Variants in SLC12A7 observed in about 807,000 individuals in gnomAD.
SLC12A7 encodes the protein solute carrier family 12 member 7, also known as K-Cl cotransporter 4.
A neutral mutation model predicts 120.6 loss-of-function variants in SLC12A7; 100 were observed. The ratio of observed to expected loss-of-function variants is 0.83; its 90% CI spans 0.71 to 0.98. SLC12A7 has a LOEUF of 0.98. Among genes scored for constraint, SLC12A7 ranks in the 50% least tolerant of loss-of-function variants. The pLI, the probability that SLC12A7 is intolerant of heterozygous loss-of-function variation, is 0.00. For synonymous variants in SLC12A7, 760 were observed against 678.0 expected (o/e 1.12, Z -1.88); for missense variants, 1,373 against 1,548.1 (o/e 0.89, Z 1.90).
At chr5:1,063,176 GTC>G (rs1426570324) in intron 20 of SLC12A7, among the ~76,000 whole-genome samples, 2 of 152,182 alleles carry the variant, frequency 1.3e-5, no homozygotes, top group African/African-American at 2.4e-5. Flanking sequence ...GACGGGACGA[GTC>G]TCTGTCCAGG....
intron 1 of SLC12A7, among the ~76,000 whole-genome samples, chr5:1,105,789 C>G (rs1052787476): frequency 2.6e-5 from 4 of 152,180 alleles, no homozygotes; most frequent in Admixed American, 1.3e-4. Flanking sequence ...ACCAGGAGGG[C>G]CCCCAGCCAG....
At chr5:1,092,460 C>T (rs558463454) in intron 3 of SLC12A7, among the ~76,000 whole-genome samples, 8 of 152,352 alleles carry the variant, frequency 5.3e-5, no homozygotes, top group Middle Eastern at 3.4e-3. Flanking sequence ...TTCCTGCTCA[C>T]TGGCCTCTAC....
rs527500760 is a variant in SLC12A7 at position 1,079,688 on chromosome 5, G to A, written c.1298-192C>T. Among the ~76,000 whole-genome samples, 194 of 152,280 alleles carry A rather than the reference G, an allele frequency of 1.3e-3. 1 individual carries two copies. The highest frequency in any genetic ancestry group is 4.4e-3 in the African/African-American group (182 of 41,546). On this transcript the variant is annotated intron_variant, in intron 9 of 23. Coordinates refer to ENST00000264930, the MANE Select transcript of SLC12A7 (RefSeq NM_006598.3). ...TGAGGGGATGCGGGCCCAGGCACGC[G>A]GATGAGCACCCACGTCTACTGCTCC...
At chr5:1,109,478 G>A (rs929027384) in intron 1 of SLC12A7, among the ~76,000 whole-genome samples, 3 of 152,210 alleles carry the variant, frequency 2.0e-5, no homozygotes, top group South Asian at 2.1e-4. Flanking sequence ...TAAAAGCTCC[G>A]TCCCAAGAAG....
chr5:1,052,163 G>T lies in SLC12A7; in HGVS notation c.*197C>A. On this transcript the variant is annotated 3_prime_UTR_variant, in exon 24 of 24. Coordinates refer to ENST00000264930, the MANE Select transcript of SLC12A7 (RefSeq NM_006598.3). Reference sequence around the variant, plus strand: ...AAATCGTCCAGCCACGCCCTGATTTGCTGAGCCTGTTAAGGCTGAACAGGA... The same window carrying T: ...AAATCGTCCAGCCACGCCCTGATTTTCTGAGCCTGTTAAGGCTGAACAGGA... 1.7e-6 allele frequency: 1 copy of T among 594,212 alleles called. No individual in the cohort carries two copies. 36.8% of individuals were successfully genotyped at this position (594,212 alleles called of 1,614,324 possible). A position where few individuals can be genotyped will look rare whatever the true frequency, so the allele number is the denominator to read the frequency against.
chr5:1,118,980 A>C, the SLC12A7 span, among the ~76,000 whole-genome samples: 1 of 152,084 alleles, frequency 6.6e-6, no homozygotes, highest in Non-Finnish European at 1.5e-5. Flanking sequence ...ACCTCCCCAG[A>C]GGAATGTTCT....
upstream of SLC12A7, among the ~76,000 whole-genome samples, chr5:1,114,907 G>C (rs948536132): frequency 6.6e-6 from 1 of 152,244 alleles, no homozygotes; most frequent in African/African-American, 2.4e-5. Context: ...ACTGGAGGGA[G>C]AGGCTCATCT....
At chr5:1,116,966 G>A (rs139364546), upstream of SLC12A7, among the ~76,000 whole-genome samples, 2,246 of 152,284 alleles carry the variant, frequency 0.015, 65 homozygotes, top group African/African-American at 0.05. Flanking sequence ...CCCAGGACAC[G>A]ATGTGGCCAA....
chr5:1,080,986 A>G (rs1738998180), intron 9 of SLC12A7, among the ~76,000 whole-genome samples: 1 of 127,446 alleles, frequency 7.8e-6, no homozygotes, highest in Non-Finnish European at 1.9e-5. Context: ...AACACACTAC[A>G]GAGAGAGAGA....
chr5:1,053,246 G>A, intron 23 of SLC12A7, 103 bp downstream of exon 23: 1 of 1,396,696 alleles, frequency 7.2e-7, no homozygotes, highest in Non-Finnish European at 9.6e-7. Flanking sequence ...TGAAGGAGAG[G>A]CGGGAAGCCA....
chr5:1,080,228 GCGCGGAGACACCAGGAGCCACGCAGAGGC>G (rs1561068499), intron 9 of SLC12A7, among the ~76,000 whole-genome samples: 13 of 9,934 alleles, frequency 1.3e-3, no homozygotes, highest in African/African-American at 1.6e-3. Flanking sequence ...TCCACCCGCG[GCGCGGAGACACCAGGAGCCACGCAGAGGC>G]TCTGCCCCCA....
intron 22 of SLC12A7, among the ~76,000 whole-genome samples, chr5:1,055,137 C>A (rs1331306520): frequency 6.6e-6 from 1 of 152,096 alleles, no homozygotes; most frequent in Non-Finnish European, 1.5e-5. Flanking sequence ...TGTGTATACG[C>A]ACACACACAT....
chr5:1,097,228 G>C (rs1427072425), intron 1 of SLC12A7, among the ~76,000 whole-genome samples: 1 of 152,180 alleles, frequency 6.6e-6, no homozygotes, highest in Admixed American at 6.5e-5. Context: ...AACTGTACAA[G>C]TAGGAAAAAC....
chr5:1,054,700 G>C (rs1735424414), intron 22 of SLC12A7, among the ~76,000 whole-genome samples: 1 of 152,238 alleles, frequency 6.6e-6, no homozygotes, highest in African/African-American at 2.4e-5. Context: ...GGGTCATGGA[G>C]AGGCCCCACG....
chr5:1,109,860 G>A (rs746763596), intron 1 of SLC12A7, among the ~76,000 whole-genome samples: 1 of 152,256 alleles, frequency 6.6e-6, no homozygotes, highest in African/African-American at 2.4e-5. Context: ...TCAGGGGAAC[G>A]GCAATGGAGT....
upstream of SLC12A7, among the ~76,000 whole-genome samples, chr5:1,116,832 C>CT (rs144066264): frequency 0.08 from 12,132 of 152,074 alleles, 1,123 homozygotes; most frequent in East Asian, 0.2. Context: ...CAGGTGACTT[C>CT]TTTCCCGTGA....
intron 1 of SLC12A7, among the ~76,000 whole-genome samples, chr5:1,097,754 GT>G (rs1741413330): frequency 6.6e-6 from 1 of 152,164 alleles, no homozygotes; most frequent in Non-Finnish European, 1.5e-5. Flanking sequence ...CACTGAACAT[GT>G]GAGCGTGTGT....
intron 1 of SLC12A7, among the ~76,000 whole-genome samples, chr5:1,104,682 G>A (rs1289337014): frequency 6.7e-6 from 1 of 149,830 alleles, no homozygotes; most frequent in Non-Finnish European, 1.5e-5. Flanking sequence ...ACCGGGGGGT[G>A]CGTGTGGGGT....
the SLC12A7 span, among the ~76,000 whole-genome samples, chr5:1,153,209 G>A: frequency 6.6e-6 from 1 of 150,896 alleles, no homozygotes; most frequent in East Asian, 1.9e-4. Context: ...GGAGGGACGG[G>A]CTTGCCCAGT....
Sources: gnomAD v4.1 joint callset for allele counts (sites outside exome capture counted in the v4.1 genomes callset) on GRCh38, gnomAD v4.1.1 for gene constraint, MANE v1.5 for transcripts, NCBI Gene and HGNC (gene_info 2026-07-23, HGNC 2026-07-21) for gene names.